DPP10: variants seen among roughly 807,000 people sequenced by gnomAD.
DPP10 encodes the protein dipeptidyl peptidase like 10, also known as inactive dipeptidyl peptidase 10.
Under a neutral mutation model 120.9 loss-of-function variants are expected in DPP10, and 33 were observed. The ratio of observed to expected loss-of-function variants is 0.27; its 90% CI spans 0.21 to 0.37. The LOEUF is 0.37. DPP10 is among the 10% of genes least tolerant of loss of function. DPP10 has a pLI of 1.00. For synonymous variants in DPP10, 337 were observed against 326.1 expected, an observed-to-expected ratio of 1.03 and a Z score of -0.36; for missense variants, 816 against 942.8, an observed-to-expected ratio of 0.87 and a Z score of 1.76.
chr2:115,381,997 T>C (rs978478572), intron 3 of DPP10, among the ~76,000 whole-genome samples: 6 of 152,194 alleles, frequency 3.9e-5, no homozygotes, highest in African/African-American at 1.4e-4. Flanking sequence ...AGGTTACTGC[T>C]GTCTTTTTGT....
intron 1 of DPP10, among the ~76,000 whole-genome samples, chr2:114,513,946 A>G (rs1684383375): frequency 6.6e-6 from 1 of 152,196 alleles, no homozygotes; most frequent in Non-Finnish European, 1.5e-5. Flanking sequence ...TCAGTTAAGT[A>G]AAATTGACTC....
Position 115,762,660 on chromosome 2 carries a change from C to T in DPP10, c.1113+50C>T, listed in dbSNP as rs375172361. The T allele has an allele frequency of 7.8e-5, 125 of 1,600,800 alleles. No individual in the cohort carries two copies. In the African/African-American group the frequency reaches 1.5e-3, roughly 20 times the overall value. On this transcript the variant is annotated intron_variant, in intron 12 of 25. Transcript: ENST00000410059. ...TCTTGGCCATTGTGACCATCCTGTT[C>T]ACCCATTTTTTATGTGATAACTTTC...
In DPP10 at chr2:115,282,637, C is replaced by T. The variant is rs112372522; in HGVS notation, c.61-26602C>T. On this transcript the variant is annotated intron_variant, in intron 1 of 25. Transcript: ENST00000410059. ...AGGATCTTAACTGGGAACTAACCCT[C>T]ATCTGTAACTATAGTTTCTCACACC... is the stretch of plus-strand genomic sequence containing the variant. 5.6e-3 allele frequency among the ~76,000 whole-genome samples: 854 copies of T among 152,204 alleles called. 1 individual carries two copies. Among genetic ancestry groups the T allele is most frequent in the Non-Finnish European group, 9.6e-3 (655 of 68,000 alleles).
At chr2:114,763,134 A>G (rs1367785285) in intron 1 of DPP10, among the ~76,000 whole-genome samples, 1 of 152,180 alleles carries the variant, frequency 6.6e-6, no homozygotes, top group African/African-American at 2.4e-5. Flanking sequence ...GTTCAAGGGC[A>G]TCAAGCCATG....
chr2:114,845,825 G>A (rs545339035), intron 1 of DPP10, among the ~76,000 whole-genome samples: 1 of 152,200 alleles, frequency 6.6e-6, no homozygotes, highest in African/African-American at 2.4e-5. Context: ...TCTCTCTTGT[G>A]GCTGGGCAAA....
intron 1 of DPP10, among the ~76,000 whole-genome samples, chr2:115,074,658 T>C (rs1447985310): frequency 6.6e-6 from 1 of 152,148 alleles, no homozygotes; most frequent in African/African-American, 2.4e-5. Context: ...TAGAAAATGG[T>C]AAACCATTTC....
At chr2:115,739,716 C>G (rs1677015089) in intron 8 of DPP10, 23 bp from the exon 9 acceptor site, 2 of 1,610,036 alleles carry the variant, frequency 1.2e-6, no homozygotes, top group Non-Finnish European at 1.7e-6. Context: ...CAGTTGGTCT[C>G]AAATAACACT....
chr2:114,949,558 T>A (rs924386033), intron 1 of DPP10, among the ~76,000 whole-genome samples: 2 of 152,212 alleles, frequency 1.3e-5, no homozygotes, highest in African/African-American at 4.8e-5. Flanking sequence ...AGATTTTGAT[T>A]CATTAGGGCC....
intron 3 of DPP10, among the ~76,000 whole-genome samples, chr2:115,439,993 A>T (rs958022100): frequency 6.6e-6 from 1 of 152,178 alleles, no homozygotes; most frequent in Non-Finnish European, 1.5e-5. Flanking sequence ...TGTAATTGCA[A>T]ACTTGCAAAA....
chr2:115,251,521 A>G (rs1454697541), intron 1 of DPP10, among the ~76,000 whole-genome samples: 1 of 152,122 alleles, frequency 6.6e-6, no homozygotes, highest in Non-Finnish European at 1.5e-5. Flanking sequence ...AGTCTCTTCA[A>G]CCCCTGTCTA....
At chr2:115,686,808 AAT>A (rs1329067559) in intron 5 of DPP10, among the ~76,000 whole-genome samples, 2 of 152,028 alleles carry the variant, frequency 1.3e-5, no homozygotes, top group African/African-American at 4.8e-5. Context: ...TTCACACTCT[AAT>A]AAGTAGTGGA....
At chr2:114,825,005 G>T (rs1365256220) in intron 1 of DPP10, among the ~76,000 whole-genome samples, 2 of 152,186 alleles carry the variant, frequency 1.3e-5, no homozygotes, top group Non-Finnish European at 2.9e-5. Flanking sequence ...TGCTCATTGA[G>T]AATCTTCTCC....
At chr2:115,248,647 G>GAT (rs2058635077) in intron 1 of DPP10, among the ~76,000 whole-genome samples, 1 of 152,124 alleles carries the variant, frequency 6.6e-6, no homozygotes, top group South Asian at 2.1e-4. Context: ...AAGGGAGGGA[G>GAT]ATGGGGTAAA....
In DPP10 at chr2:114,722,196, G is replaced by T. The variant is rs566013128; in HGVS notation, c.60+279358G>T. ...GGAGAGGAGAAACCAAGAAGAAAATGTATAATTCTCTTCTAAATAAAAATG... is the reference window on the plus strand; with the variant it reads ...GGAGAGGAGAAACCAAGAAGAAAATTTATAATTCTCTTCTAAATAAAAATG... On this transcript the variant is annotated intron_variant, in intron 1 of 25. Coordinates refer to ENST00000410059, the MANE Select transcript of DPP10 (RefSeq NM_020868.6). Among the ~76,000 whole-genome samples, 4 of 152,156 alleles carry T rather than the reference G, an allele frequency of 2.6e-5. No individual in the cohort carries two copies. In the East Asian group the frequency reaches 7.7e-4, roughly 29 times the overall value.
intron 1 of DPP10, among the ~76,000 whole-genome samples, chr2:115,159,011 T>C (rs1247694233): frequency 6.6e-6 from 1 of 152,072 alleles, no homozygotes; most frequent in African/African-American, 2.4e-5. Context: ...AAGTACTTAA[T>C]TGACTCTCCC....
Position 115,612,551 on chromosome 2 carries a change from C to T in DPP10, c.442-77136C>T, listed in dbSNP as rs549166159. On this transcript the variant is annotated intron_variant, in intron 5 of 25. Coordinates refer to ENST00000410059, the MANE Select transcript of DPP10 (RefSeq NM_020868.6). ...GTAGAATGTATCTCCCTCGTTCTTACCAAAAACCTCTAATATAGTGACGTG... is the reference window on the plus strand; with the variant it reads ...GTAGAATGTATCTCCCTCGTTCTTATCAAAAACCTCTAATATAGTGACGTG... 4.6e-5 allele frequency among the ~76,000 whole-genome samples: 7 copies of T among 152,188 alleles called. No homozygotes were observed. In the South Asian group the frequency reaches 1.5e-3, roughly 32 times the overall value.
chr2:115,333,325 G>A (rs966382718), intron 2 of DPP10, among the ~76,000 whole-genome samples: 1 of 152,054 alleles, frequency 6.6e-6, no homozygotes, highest in African/African-American at 2.4e-5. Flanking sequence ...GTCTCTGCAT[G>A]TGAGATGCGT....
chr2:115,510,179 C>G (rs1009938492), intron 4 of DPP10, among the ~76,000 whole-genome samples: 1 of 152,054 alleles, frequency 6.6e-6, no homozygotes, highest in African/African-American at 2.4e-5. Flanking sequence ...TCTTTTGATG[C>G]ACCAGATTTA....
intron 1 of DPP10, among the ~76,000 whole-genome samples, chr2:115,259,288 C>T (rs1054361857): frequency 6.6e-6 from 1 of 152,018 alleles, no homozygotes; most frequent in Admixed American, 6.6e-5. Context: ...TCGAGACCAC[C>T]CTGACCAACA....
Sources: gnomAD v4.1 joint callset for allele counts (sites outside exome capture counted in the v4.1 genomes callset) on GRCh38, gnomAD v4.1.1 for gene constraint, MANE v1.5 for transcripts, NCBI Gene and HGNC (gene_info 2026-07-23, HGNC 2026-07-21) for gene names.